The following ZWILCH variants were observed in gnomAD, a reference collection of about 807,000 sequenced individuals.
ZWILCH encodes the protein zwilch kinetochore protein, also known as protein zwilch homolog.
Under a neutral mutation model 79.9 loss-of-function variants are expected in ZWILCH, and 74 were observed. The observed-to-expected ratio is 0.93, with a 90% CI of 0.77 to 1.12. The LOEUF is 1.12. Ranked by LOEUF, ZWILCH falls within the 50% of genes most tolerant of loss-of-function variation. The pLI, the probability that ZWILCH is intolerant of heterozygous loss-of-function variation, is 0.00. For missense variants in ZWILCH, 694 were observed against 687.5 expected (o/e 1.01, Z -0.11); for synonymous variants, 241 against 228.2 (o/e 1.06, Z -0.51).
chr15:66,506,556 C>A (rs1334041104), intron 1 of ZWILCH, among the ~76,000 whole-genome samples: 1 of 152,088 alleles, frequency 6.6e-6, no homozygotes, highest in African/African-American at 2.4e-5. Context: ...GTAATCCCAG[C>A]TACTTGGGAG....
intron 11 of ZWILCH, 54 bp from the exon 12 acceptor site, chr15:66,529,440 A>G (rs1332229933): frequency 8.0e-7 from 1 of 1,252,750 alleles, no homozygotes; most frequent in Admixed American, 1.8e-5. Flanking sequence ...TTAATGATAT[A>G]TTTGATCTGT....
Position 66,528,966 on chromosome 15 carries a change from CCAT to C in ZWILCH, c.1075+13_1075+15del, listed in dbSNP as rs1437542736. On this transcript the variant is annotated intron_variant, in intron 11 of 18. Transcript: ENST00000307897. ...GTGCAAAATGAGCAGTAGTAGGTGT[CCAT>C]CATGATTTAAATTTTTCCTCTTATT... is the stretch of plus-strand genomic sequence containing the variant. The C allele has an allele frequency of 1.2e-6, 2 of 1,604,424 alleles. No individual in the cohort carries two copies. Among genetic ancestry groups the C allele is most frequent in the Admixed American group, 3.3e-5 (2 of 59,912 alleles).
intron 7 of ZWILCH, 109 bp downstream of exon 7, chr15:66,521,314 A>T (rs1894487005): frequency 1.5e-6 from 2 of 1,315,840 alleles, no homozygotes; most frequent in Non-Finnish European, 2.1e-6. Context: ...GCTGAGTGTG[A>T]GCTTGGACAA....
intron 17 of ZWILCH, 41 bp from the exon 18 acceptor site, chr15:66,546,550 G>A: frequency 7.2e-7 from 1 of 1,389,096 alleles, no homozygotes; most frequent in Non-Finnish European, 1.0e-6. Flanking sequence ...AGAAAAGCAG[G>A]GTGTTAAGCA....
Position 66,528,937 on chromosome 15 carries a change from T to C in ZWILCH, c.1055T>C (p.Leu352Pro). 1.2e-6 allele frequency: 2 copies of C among 1,614,092 alleles called. No homozygotes were observed. The highest frequency in any genetic ancestry group is 4.5e-5 in the East Asian group (2 of 44,880). ...AGTGATCTTGATTTTGCTGAGCAAC[T>C]GTGGTGCAAAATGAGCAGTAGTAGG... ...VRSDLDFAEQ[L>P]WCKMSSSVIS... The change falls in exon 11 of 19, where the codon CTG becomes CCG. Residue 352 changes from leucine (L) to proline (P), a missense_variant. Transcript: ENST00000307897.
At position 66,549,443 on chromosome 15, in the gene ZWILCH, A is replaced by G. The variant is rs1265059671; in HGVS notation, c.*1119A>G. Reference sequence around the variant, plus strand: ...TTAAAAAGGAAAGCATATTTCTCTGATTGCCCTTATGGAGAAATAAAGATA... The same window carrying G: ...TTAAAAAGGAAAGCATATTTCTCTGGTTGCCCTTATGGAGAAATAAAGATA... On this transcript the variant is annotated 3_prime_UTR_variant, in exon 19 of 19. Transcript: ENST00000307897. 6.6e-6 allele frequency: 1 copy of G among 152,238 alleles called. No homozygotes were observed. Among genetic ancestry groups the G allele is most frequent in the Non-Finnish European group, 1.5e-5 (1 of 68,038 alleles). The allele number at this position is 152,238 out of a possible 1,614,324, so 9.4% of individuals were successfully genotyped here.
At position 66,512,335 on chromosome 15, in the gene ZWILCH, T is replaced by G. The variant is rs74624287; in HGVS notation, c.106-1653T>G. Among the ~76,000 whole-genome samples the G allele has an allele frequency of 4.7e-3, 721 of 152,080 alleles. 4 individuals are homozygous for G. The highest frequency in any genetic ancestry group is 0.01 in the Middle Eastern group (3 of 292). On this transcript the variant is annotated intron_variant, in intron 2 of 18. Transcript: ENST00000307897. ...GTTCAGTAGTATGATCAAAGTTCAC[T>G]GCGGCCTCAAACTCCTGGGCTCAAG...
At chr15:66,523,183 C>T (rs1894559890) in intron 7 of ZWILCH, among the ~76,000 whole-genome samples, 3 of 152,258 alleles carry the variant, frequency 2.0e-5, no homozygotes. Context: ...TTGGCATATA[C>T]GTTTTTCTTT....
At chr15:66,514,250 A>G (rs1304405488) in intron 3 of ZWILCH, 167 bp downstream of exon 3, 7 of 393,858 alleles carry the variant, frequency 1.8e-5, no homozygotes, top group Non-Finnish European at 3.2e-5. Context: ...TGAACCACAT[A>G]TGCAATTTAA....
chr15:66,541,144 G>A (rs531701235), intron 17 of ZWILCH, among the ~76,000 whole-genome samples: 30 of 150,892 alleles, frequency 2.0e-4, no homozygotes, highest in African/African-American at 5.6e-4. Flanking sequence ...AAAATTAGCC[G>A]GGTGTTGGTG....
chr15:66,509,364 A>G (rs894892817), intron 2 of ZWILCH, among the ~76,000 whole-genome samples: 1 of 152,176 alleles, frequency 6.6e-6, no homozygotes, highest in Non-Finnish European at 1.5e-5. Flanking sequence ...CCTGGCAAAC[A>G]TTAATCTATT....
intron 10 of ZWILCH, among the ~76,000 whole-genome samples, chr15:66,528,350 T>A (rs533652054): frequency 3.9e-5 from 6 of 152,336 alleles, no homozygotes; most frequent in African/African-American, 1.4e-4. Flanking sequence ...GCAATCCACC[T>A]GCATTGGCCT....
At position 66,523,708 on chromosome 15, in the gene ZWILCH, G is replaced by T; in HGVS notation, c.779G>T (p.Gly260Val). The T allele has an allele frequency of 1.9e-6, 3 of 1,612,450 alleles. No homozygotes were observed. The highest frequency in any genetic ancestry group is 2.2e-5 in the East Asian group (1 of 44,834). ...AAAGTGGAATCAGGAGAGCCCAGAG[G>T]TCCTTTGAATCATCTCTACAGAGAA... ...NIKVESGEPRGPLNHLYRELK... is the reference protein window; with the variant it reads ...NIKVESGEPRVPLNHLYRELK... Residue 260 changes from glycine (G) to valine (V), a missense_variant, in exon 8 of 19, where the codon GGT becomes GTT. Physicochemically the swap from Gly to Val is moderately radical, Grantham distance 109 (BLOSUM62 -3). Coordinates refer to ENST00000307897, the MANE Select transcript of ZWILCH (RefSeq NM_017975.5).
chr15:66,529,465 A>G lies in ZWILCH; in HGVS notation c.1076-29A>G, dbSNP rs189635523. The G allele has an allele frequency of 2.8e-4, 435 of 1,538,954 alleles. 1 individual carries two copies. The East Asian group carries it at 4.3e-3, about 15-fold the overall frequency. On this transcript the variant is annotated intron_variant, in intron 11 of 18. Transcript: ENST00000307897. ...ATTTGATCTGTAGAAATACCCTGAA[A>G]ATAATGTTACACTGACTTGTTTTCC...
chr15:66,517,455 T>TATATATATATATATACAG (rs1180456312), intron 4 of ZWILCH, among the ~76,000 whole-genome samples: 1 of 115,222 alleles, frequency 8.7e-6, no homozygotes, highest in African/African-American at 3.0e-5. Context: ...TATATATATA[T>TATATATATATATATACAG]AGTAATGTAC....
chr15:66,530,395 G>T (rs1463466189), intron 12 of ZWILCH, among the ~76,000 whole-genome samples: 1 of 152,158 alleles, frequency 6.6e-6, no homozygotes, highest in Non-Finnish European at 1.5e-5. Flanking sequence ...CAACTCTTTG[G>T]GAGGCTGAGG....
At chr15:66,544,157 T>C (rs2140812917) in intron 17 of ZWILCH, among the ~76,000 whole-genome samples, 1 of 151,486 alleles carries the variant, frequency 6.6e-6, no homozygotes, top group Non-Finnish European at 1.5e-5. Context: ...CTCAGGAGGC[T>C]GAGGCAGGAG....
chr15:66,545,028 C>G (rs894789052), intron 17 of ZWILCH, among the ~76,000 whole-genome samples: 1 of 151,862 alleles, frequency 6.6e-6, no homozygotes, highest in Non-Finnish European at 1.5e-5. Context: ...AGGCGTGAGC[C>G]ACTGTGCCCA....
intron 9 of ZWILCH, 78 bp downstream of exon 9, chr15:66,527,461 T>G: frequency 5.9e-6 from 7 of 1,183,142 alleles, no homozygotes; most frequent in Non-Finnish European, 8.6e-6. Context: ...CTTGATACTC[T>G]TTTTTGATTG....
Sources: allele counts gnomAD v4.1 joint callset (sites outside exome capture counted in the v4.1 genomes callset), GRCh38; gene constraint gnomAD v4.1.1; transcripts MANE v1.5; gene names NCBI Gene and HGNC (gene_info 2026-07-23, HGNC 2026-07-21).